Variants in ROBO2 observed in about 807,000 individuals in gnomAD.
ROBO2 encodes roundabout homolog 2.
Under a neutral mutation model 160.8 loss-of-function variants are expected in ROBO2, and 53 were observed. The ratio of observed to expected loss-of-function variants is 0.33; its 90% CI spans 0.26 to 0.41. The LOEUF (loss-of-function observed/expected upper bound fraction) is 0.41. Among genes scored for constraint, ROBO2 ranks in the 10% least tolerant of loss-of-function variants. The probability of loss-of-function intolerance (pLI) is 1.00; values close to 1 mark genes in which losing one functional copy is unlikely to be tolerated. For missense variants in ROBO2, 1,577 were observed against 1,722.4 expected, an observed-to-expected ratio of 0.92 and a Z score of 1.49; for synonymous variants, 664 against 611.7, an observed-to-expected ratio of 1.09 and a Z score of -1.26.
Position 77,525,238 on chromosome 3 carries a change from G to GT in ROBO2, c.934+2353dup, listed in dbSNP as rs144170880. 1.2e-3 allele frequency among the ~76,000 whole-genome samples: 161 copies of GT among 134,206 alleles called. 1 individual carries two copies. The highest frequency in any genetic ancestry group is 4.0e-3 in the South Asian group (17 of 4,200). 88.0% of individuals were successfully genotyped at this position (134,206 alleles called of 152,430 possible). Reference sequence around the variant, plus strand: ...CTGATTTTGAAAACATCCACCTGCTGTTTTTTTTTTTTTTTTTCAAGATGA... The same window carrying GT: ...CTGATTTTGAAAACATCCACCTGCTGTTTTTTTTTTTTTTTTTTCAAGATGA... On this transcript the variant is annotated intron_variant, in intron 6 of 25. Coordinates refer to ENST00000461745, the Ensembl canonical transcript of ROBO2.
chr3:76,903,437 T>A (rs554367057), intron 2 of ROBO2, among the ~76,000 whole-genome samples: 1 of 152,136 alleles, frequency 6.6e-6, no homozygotes, highest in Admixed American at 6.6e-5. Flanking sequence ...ATTGTCTCTC[T>A]GACTGTCAAT....
intron 2 of ROBO2, among the ~76,000 whole-genome samples, chr3:75,977,825 G>A (rs2065172369): frequency 6.6e-6 from 1 of 151,434 alleles, no homozygotes; most frequent in African/African-American, 2.4e-5. Flanking sequence ...ACAACTTGTG[G>A]TATTTTGGGT....
intron 2 of ROBO2, among the ~76,000 whole-genome samples, chr3:76,951,598 G>C (rs1353744293): frequency 6.6e-6 from 1 of 152,118 alleles, no homozygotes; most frequent in Non-Finnish European, 1.5e-5. Context: ...ACTTTTTAAA[G>C]TGTTATTTTT....
intron 2 of ROBO2, among the ~76,000 whole-genome samples, chr3:76,871,727 C>T: frequency 6.6e-6 from 1 of 152,102 alleles, no homozygotes; most frequent in East Asian, 1.9e-4. Flanking sequence ...TACCTATTAT[C>T]TGGAGATTTG....
chr3:76,501,823 GAGT>G (rs1275197879), intron 2 of ROBO2, among the ~76,000 whole-genome samples: 2 of 152,126 alleles, frequency 1.3e-5, no homozygotes, highest in African/African-American at 2.4e-5. Flanking sequence ...AGTGGGGTGG[GAGT>G]AGTTCACGTC....
chr3:77,157,367 A>G (rs1346842769), intron 2 of ROBO2, among the ~76,000 whole-genome samples: 1 of 152,104 alleles, frequency 6.6e-6, no homozygotes, highest in African/African-American at 2.4e-5. Context: ...TGTAAACTAT[A>G]TTCAGCTTCA....
At chr3:76,748,554 G>A (rs2093929848) in intron 2 of ROBO2, among the ~76,000 whole-genome samples, 1 of 151,254 alleles carries the variant, frequency 6.6e-6, no homozygotes, top group Admixed American at 6.6e-5. Flanking sequence ...ATTAAAACAT[G>A]GAAAAACAAC....
At chr3:76,862,726 T>C (rs1259409628) in intron 2 of ROBO2, among the ~76,000 whole-genome samples, 3 of 152,072 alleles carry the variant, frequency 2.0e-5, no homozygotes, top group South Asian at 2.1e-4. Context: ...GACCTTCCTG[T>C]TTCTGCTTTT....
chr3:77,390,199 T>C lies in ROBO2; in HGVS notation c.389-87215T>C, dbSNP rs767350762. 1.7e-4 allele frequency among the ~76,000 whole-genome samples: 26 copies of C among 152,188 alleles called. 1 individual carries two copies. Among genetic ancestry groups the C allele is most frequent in the African/African-American group, 2.4e-4 (10 of 41,442 alleles). On this transcript the variant is annotated intron_variant, in intron 2 of 25. Transcript: ENST00000461745. ...CAGCTTAGATTGCAACCCAGATTCCTATTTTACTCGACCTGTAGGTAACCT... is the reference window on the plus strand; with the variant it reads ...CAGCTTAGATTGCAACCCAGATTCCCATTTTACTCGACCTGTAGGTAACCT...
rs77145187 is a variant in ROBO2 at position 76,443,506 on chromosome 3, A to G, written c.109+505904A>G. 3.2e-3 allele frequency among the ~76,000 whole-genome samples: 491 copies of G among 152,280 alleles called. 3 individuals carry two copies. Among genetic ancestry groups the G allele is most frequent in the African/African-American group, 0.011 (449 of 41,556 alleles). ...TGGCTACTACCACGACTGCTATTAC[A>G]ACTTATCTGAGTGTGTCATAGAAAT... On this transcript the variant is annotated intron_variant, in intron 2 of 26. Coordinates refer to the ROBO2 transcript ENST00000487694.
intron 2 of ROBO2, among the ~76,000 whole-genome samples, chr3:76,096,680 A>G (rs2069466057): frequency 6.6e-6 from 1 of 152,244 alleles, no homozygotes; most frequent in Admixed American, 6.5e-5. Context: ...CATGCAAAAC[A>G]CTTGGTTTTA....
At chr3:76,642,080 A>ATAAGTTTGTACT (rs1436496180) in intron 2 of ROBO2, among the ~76,000 whole-genome samples, 1 of 152,108 alleles carries the variant, frequency 6.6e-6, no homozygotes, top group African/African-American at 2.4e-5. Flanking sequence ...CTATTTTTGC[A>ATAAGTTTGTACT]ATTTTTCTAT....
At chr3:77,569,420 T>G (rs1404555830) in intron 13 of ROBO2, among the ~76,000 whole-genome samples, 2 of 152,038 alleles carry the variant, frequency 1.3e-5, no homozygotes, top group Non-Finnish European at 2.9e-5. Context: ...ATTTCTTTAA[T>G]GACTAATCAT....
At chr3:76,007,510 A>C (rs2066057761) in intron 2 of ROBO2, among the ~76,000 whole-genome samples, 1 of 152,172 alleles carries the variant, frequency 6.6e-6, no homozygotes, top group Admixed American at 6.6e-5. Context: ...AGTAGATAAA[A>C]AGCAGGTATT....
chr3:76,657,763 T>C (rs966016894), intron 2 of ROBO2, among the ~76,000 whole-genome samples: 1 of 147,740 alleles, frequency 6.8e-6, no homozygotes, highest in Non-Finnish European at 1.5e-5. Flanking sequence ...TGTATATATA[T>C]ATGTTCATAG....
chr3:76,230,708 T>A (rs202044257), intron 2 of ROBO2, among the ~76,000 whole-genome samples: 1 of 44,900 alleles, frequency 2.2e-5, no homozygotes, highest in Non-Finnish European at 5.6e-5. Context: ...CCTCTCCTTC[T>A]CACACTGTTT....
intron 2 of ROBO2, among the ~76,000 whole-genome samples, chr3:76,091,692 T>A (rs2069242991): frequency 1.3e-5 from 2 of 152,178 alleles, no homozygotes; most frequent in South Asian, 4.1e-4. Context: ...CCTTCGGTAA[T>A]TGAGAGTGTA....
At chr3:76,625,393 C>T (rs1156941435) in intron 2 of ROBO2, among the ~76,000 whole-genome samples, 2 of 151,894 alleles carry the variant, frequency 1.3e-5, no homozygotes, top group African/African-American at 2.4e-5. Flanking sequence ...ATTCTAGGCA[C>T]CAGAGTTACT....
intron 2 of ROBO2, among the ~76,000 whole-genome samples, chr3:77,255,022 A>G (rs1327174915): frequency 1.3e-5 from 2 of 152,228 alleles, no homozygotes; most frequent in Non-Finnish European, 1.5e-5. Flanking sequence ...GTGCTGTTAA[A>G]AGGAAGAACT....
Sources: gnomAD v4.1 joint callset for allele counts (sites outside exome capture counted in the v4.1 genomes callset) on GRCh38, gnomAD v4.1.1 for gene constraint, MANE v1.5 for transcripts, NCBI Gene and HGNC (gene_info 2026-07-23, HGNC 2026-07-21) for gene names.